The following MED27 variants were observed in gnomAD, a reference collection of about 807,000 sequenced individuals.
MED27 encodes mediator complex subunit 27.
In MED27, 30 loss-of-function variants were observed where a neutral mutation model predicts 38.2. The ratio of observed to expected loss-of-function variants is 0.79; its 90% CI spans 0.59 to 1.07. MED27 has a LOEUF of 1.07. MED27 is among the 50% of genes least tolerant of loss of function. The pLI, the probability that MED27 is intolerant of heterozygous loss-of-function variation, is 0.00. For missense variants in MED27, 289 were observed against 397.5 expected (o/e 0.73, Z 2.32); for synonymous variants, 122 against 153.5 (o/e 0.79, Z 1.52).
intron 3 of MED27, among the ~76,000 whole-genome samples, chr9:131,983,526 G>A (rs749428480): frequency 6.6e-5 from 10 of 152,210 alleles, no homozygotes; most frequent in Non-Finnish European, 1.3e-4. Flanking sequence ...AGAGACAAAT[G>A]TATGGAAGCG....
intron 3 of MED27, among the ~76,000 whole-genome samples, chr9:131,967,969 C>T (rs1183280424): frequency 6.6e-6 from 1 of 152,034 alleles, no homozygotes; most frequent in East Asian, 1.9e-4. Flanking sequence ...AGGCATCCAC[C>T]ACCATGCCCA....
Position 131,901,601 on chromosome 9 carries a change from C to T in MED27, c.574-7609G>A, listed in dbSNP as rs548509233. Reference sequence around the variant, plus strand: ...AACCAGAAAATGCCTGGTTCAGCACCTGCCTAATTCACCGCACATTTTGAA... The same window carrying T: ...AACCAGAAAATGCCTGGTTCAGCACTTGCCTAATTCACCGCACATTTTGAA... On this transcript the variant is annotated intron_variant, in intron 4 of 7. Coordinates refer to ENST00000292035, the MANE Select transcript of MED27 (RefSeq NM_004269.4). 1.2e-3 allele frequency among the ~76,000 whole-genome samples: 182 copies of T among 152,324 alleles called. 2 individuals carry two copies. Among genetic ancestry groups the T allele is most frequent in the Non-Finnish European group, 2.3e-3 (155 of 68,032 alleles).
intron 5 of MED27, among the ~76,000 whole-genome samples, chr9:131,885,283 A>G (rs1202188442): frequency 2.0e-5 from 3 of 152,230 alleles, no homozygotes; most frequent in African/African-American, 7.2e-5. Flanking sequence ...TCATGAGCCC[A>G]AGGCTATCTG....
chr9:132,012,516 G>C (rs1832506217), intron 3 of MED27, among the ~76,000 whole-genome samples: 1 of 152,158 alleles, frequency 6.6e-6, no homozygotes, highest in Admixed American at 6.5e-5. Flanking sequence ...GAAAATCATG[G>C]AAGTGGTGGC....
At chr9:132,037,762 G>T (rs890002839) in intron 2 of MED27, among the ~76,000 whole-genome samples, 1 of 152,158 alleles carries the variant, frequency 6.6e-6, no homozygotes, top group Non-Finnish European at 1.5e-5. Context: ...GGGCAAAACA[G>T]TCAGGCTTTC....
chr9:131,907,910 A>C (rs1449138879), intron 4 of MED27, among the ~76,000 whole-genome samples: 4 of 130,236 alleles, frequency 3.1e-5, no homozygotes, highest in Admixed American at 7.7e-5. Flanking sequence ...CCCGGCCGCG[A>C]CCCCGTCTGG....
At chr9:132,021,472 G>C (rs1248837018) in intron 2 of MED27, among the ~76,000 whole-genome samples, 1 of 152,146 alleles carries the variant, frequency 6.6e-6, no homozygotes, top group African/African-American at 2.4e-5. Context: ...GGAAAAAAAG[G>C]GAAGATGAGC....
intron 4 of MED27, among the ~76,000 whole-genome samples, chr9:131,899,640 G>A (rs1231029353): frequency 1.3e-5 from 2 of 152,168 alleles, no homozygotes; most frequent in East Asian, 1.9e-4. Flanking sequence ...GGCTGTTAGC[G>A]TCCTTTCTCT....
chr9:131,914,645 G>A (rs1402805435), intron 4 of MED27, among the ~76,000 whole-genome samples: 2 of 152,178 alleles, frequency 1.3e-5, no homozygotes, highest in African/African-American at 4.8e-5. Flanking sequence ...TCACGTAGGG[G>A]CTTAGAGATC....
At chr9:132,041,665 GA>G (rs967305164) in intron 2 of MED27, among the ~76,000 whole-genome samples, 1 of 152,200 alleles carries the variant, frequency 6.6e-6, no homozygotes, top group African/African-American at 2.4e-5. Context: ...GGAACAAAAT[GA>G]AAGAGATTAC....
chr9:131,868,725 G>A (rs536296389), intron 6 of MED27: 1,195 of 985,460 alleles, frequency 1.2e-3, no homozygotes, highest in Non-Finnish European at 1.3e-3. Flanking sequence ...TCCCATCCCC[G>A]CTCTCCCAGT....
chr9:131,864,709 C>G (rs1838707575), intron 6 of MED27, among the ~76,000 whole-genome samples: 1 of 152,274 alleles, frequency 6.6e-6, no homozygotes, highest in African/African-American at 2.4e-5. Flanking sequence ...ACACCTGCAG[C>G]TGGAGAGGCT....
chr9:131,897,893 T>C (rs903248385), intron 4 of MED27, among the ~76,000 whole-genome samples: 1 of 152,204 alleles, frequency 6.6e-6, no homozygotes, highest in Admixed American at 6.5e-5. Flanking sequence ...ATGTGACTGG[T>C]TGACATGTCT....
At chr9:132,029,793 T>C (rs1393453923) in intron 2 of MED27, among the ~76,000 whole-genome samples, 2 of 150,368 alleles carry the variant, frequency 1.3e-5, no homozygotes, top group African/African-American at 4.9e-5. Context: ...GCAGGGGAAA[T>C]GATGTTTTAA....
intron 2 of MED27, among the ~76,000 whole-genome samples, chr9:132,045,431 C>T (rs1218225457): frequency 1.3e-5 from 2 of 151,244 alleles, no homozygotes; most frequent in South Asian, 4.2e-4. Context: ...CACACACACA[C>T]ACACACACAC....
intron 2 of MED27, among the ~76,000 whole-genome samples, chr9:132,053,676 G>C (rs1040567314): frequency 2.6e-5 from 4 of 152,152 alleles, no homozygotes; most frequent in Non-Finnish European, 5.9e-5. Flanking sequence ...CCTGCGTCCA[G>C]ACCCAGCTTG....
At chr9:132,009,535 G>A (rs533164844) in intron 3 of MED27, among the ~76,000 whole-genome samples, 19 of 152,200 alleles carry the variant, frequency 1.2e-4, no homozygotes, top group Non-Finnish European at 2.6e-4. Context: ...AGCAGCCTGC[G>A]GAGAGGCCTA....
chr9:131,868,670 G>A (rs978153519), intron 6 of MED27: 11 of 985,386 alleles, frequency 1.1e-5, no homozygotes, highest in African/African-American at 1.7e-5. Flanking sequence ...GTGGGAGCCC[G>A]AACACTGGGA....
intron 3 of MED27, among the ~76,000 whole-genome samples, chr9:131,990,195 C>T (rs1229090102): frequency 6.6e-6 from 1 of 152,170 alleles, no homozygotes; most frequent in Non-Finnish European, 1.5e-5. Context: ...GTCTTGTCTG[C>T]GAAGGGTCAG....
Sources: gnomAD v4.1 joint callset for allele counts (sites outside exome capture counted in the v4.1 genomes callset) on GRCh38, gnomAD v4.1.1 for gene constraint, MANE v1.5 for transcripts, NCBI Gene and HGNC (gene_info 2026-07-23, HGNC 2026-07-21) for gene names.